The following LARP4B variants were observed in gnomAD, a reference collection of about 807,000 sequenced individuals.
LARP4B encodes the protein La ribonucleoprotein 4B, also known as la-related protein 4B.
In LARP4B, 12 loss-of-function variants were observed where a neutral mutation model predicts 89.8. The ratio of observed to expected loss-of-function variants is 0.13; its 90% confidence interval spans 0.09 to 0.22. The LOEUF is 0.22. Among genes scored for constraint, LARP4B ranks in the 10% least tolerant of loss-of-function variants. LARP4B has a pLI of 1.00. For missense variants in LARP4B, 757 were observed against 947.7 expected, an observed-to-expected ratio of 0.80 and a Z score of 2.64; for synonymous variants, 367 against 363.3, an observed-to-expected ratio of 1.01 and a Z score of -0.12.
At chr10:904,850 G>C (rs917450527) in intron 1 of LARP4B, among the ~76,000 whole-genome samples, 2 of 152,178 alleles carry the variant, frequency 1.3e-5, no homozygotes, top group African/African-American at 4.8e-5. Context: ...ACTGCCACTT[G>C]GTAGCATATA....
the LARP4B span, among the ~76,000 whole-genome samples, chr10:976,168 C>T: frequency 0.1 from 14,209 of 141,978 alleles, 1,301 homozygotes; most frequent in Non-Finnish European, 0.16. Context: ...AGGTGCGGCC[C>T]GCCCTAGTAG....
At chr10:956,885 G>A in the LARP4B span, among the ~76,000 whole-genome samples, 1 of 152,152 alleles carries the variant, frequency 6.6e-6, no homozygotes, top group African/African-American at 2.4e-5. The surrounding 1 kb of genome is among the most constrained non-coding windows in gnomAD (Gnocchi z 4.3). Flanking sequence ...TCTTAATTTG[G>A]GCCAGGAAGG....
chr10:951,642 C>T, the LARP4B span, among the ~76,000 whole-genome samples: 2 of 152,168 alleles, frequency 1.3e-5, no homozygotes, highest in African/African-American at 4.8e-5. Context: ...ACTTCAGGGA[C>T]ATCCAGGGTG....
At chr10:959,885 GTCAATCCACCTCCTCC>G in the LARP4B span, among the ~76,000 whole-genome samples, 1 of 88,742 alleles carries the variant, frequency 1.1e-5, no homozygotes, top group Non-Finnish European at 2.2e-5. Flanking sequence ...CCACCTCCTC[GTCAATCCACCTCCTCC>G]TCAATCCCAC....
chr10:922,990 G>A (rs1246715288), intron 1 of LARP4B, among the ~76,000 whole-genome samples: 2 of 152,060 alleles, frequency 1.3e-5, no homozygotes, highest in East Asian at 3.9e-4. Context: ...CAGGAGAATG[G>A]CGTGAACCTG....
intron 2 of LARP4B, 64 bp downstream of exon 2, chr10:885,577 C>T (rs1835830711): frequency 1.7e-6 from 2 of 1,207,462 alleles, no homozygotes; most frequent in Non-Finnish European, 1.2e-6. Flanking sequence ...TTACTAACTC[C>T]AATATAGAGT....
At chr10:894,843 T>C (rs1333477216) in intron 1 of LARP4B, among the ~76,000 whole-genome samples, 1 of 152,180 alleles carries the variant, frequency 6.6e-6, no homozygotes, top group Non-Finnish European at 1.5e-5. Flanking sequence ...AGATGACTGG[T>C]GAACTGAGGA....
At chr10:923,085 C>G (rs549089460) in intron 1 of LARP4B, among the ~76,000 whole-genome samples, 2 of 151,002 alleles carry the variant, frequency 1.3e-5, no homozygotes, top group African/African-American at 4.9e-5. Context: ...AAAAAAAAAA[C>G]AAATCATGCC....
rs759829060 is a variant in LARP4B at position 884,406 on chromosome 10, T to C, written c.141+41A>G. On this transcript the variant is annotated intron_variant, in intron 3 of 17. Coordinates refer to ENST00000316157, the MANE Select transcript of LARP4B (RefSeq NM_015155.3). ...TAAGGAAGTATCTCTGAGCCTTGAC[T>C]GTGATTAAAAAATCTGTGATTAATC... The C allele has an allele frequency of 1.6e-5, 21 of 1,304,040 alleles. No individual in the cohort carries two copies. In the East Asian group the frequency reaches 4.9e-4, roughly 30 times the overall value. 80.8% of individuals were successfully genotyped at this position (1,304,040 alleles called of 1,614,324 possible).
chr10:902,970 T>C (rs892561951), intron 1 of LARP4B, among the ~76,000 whole-genome samples: 8 of 152,218 alleles, frequency 5.3e-5, no homozygotes, highest in African/African-American at 1.9e-4. Flanking sequence ...AGATGTTAAA[T>C]TACCTGGTTG....
chr10:927,203 T>C (rs780178985), intron 1 of LARP4B, among the ~76,000 whole-genome samples: 2 of 152,042 alleles, frequency 1.3e-5, no homozygotes, highest in African/African-American at 2.4e-5. Context: ...ATAGGAGCCA[T>C]GACAGCTTCA....
intron 3 of LARP4B, among the ~76,000 whole-genome samples, chr10:868,787 G>T (rs1412393442): frequency 1.3e-5 from 2 of 152,158 alleles, no homozygotes; most frequent in Non-Finnish European, 2.9e-5. Context: ...CTACAGAAGG[G>T]GATTTCTACT....
At chr10:901,029 C>T (rs897191921) in intron 1 of LARP4B, among the ~76,000 whole-genome samples, 2 of 151,038 alleles carry the variant, frequency 1.3e-5, no homozygotes, top group Admixed American at 6.6e-5. Context: ...AAGCGATTCT[C>T]CTGCTTCAGC....
chr10:853,924 C>T (rs1397171090), intron 5 of LARP4B, among the ~76,000 whole-genome samples: 1 of 152,192 alleles, frequency 6.6e-6, no homozygotes, highest in East Asian at 1.9e-4. Context: ...TGTTTGATAT[C>T]ATTTTGTCAA....
chr10:953,782 T>C, the LARP4B span, among the ~76,000 whole-genome samples: 3 of 152,202 alleles, frequency 2.0e-5, no homozygotes, highest in Non-Finnish European at 2.9e-5. Context: ...GAGACGCCGG[T>C]TGTAAGGCTT....
At chr10:838,441 A>G (rs1833342289) in intron 7 of LARP4B, among the ~76,000 whole-genome samples, 1 of 152,232 alleles carries the variant, frequency 6.6e-6, no homozygotes, top group African/African-American at 2.4e-5. Context: ...GAACAAGATT[A>G]AAAAATGGGC....
the LARP4B span, chr10:986,976 C>T: frequency 2.0e-5 from 3 of 152,008 alleles, no homozygotes; most frequent in East Asian, 3.9e-4. Context: ...GATGTTTGCC[C>T]ATCTGAAGCA....
intron 5 of LARP4B, among the ~76,000 whole-genome samples, chr10:852,030 A>C (rs1834080639): frequency 6.6e-6 from 1 of 152,142 alleles, no homozygotes; most frequent in African/African-American, 2.4e-5. Context: ...ATGCTACTGC[A>C]CTCAAGCCTG....
At chr10:841,681 A>C (rs192135203) in intron 7 of LARP4B, among the ~76,000 whole-genome samples, 2 of 152,316 alleles carry the variant, frequency 1.3e-5, no homozygotes, top group Admixed American at 1.3e-4. Flanking sequence ...CTGGCCTTTC[A>C]AAGATGGGGC....
Sources: allele counts gnomAD v4.1 joint callset (sites outside exome capture counted in the v4.1 genomes callset), GRCh38; gene constraint gnomAD v4.1.1; non-coding constraint Gnocchi (gnomAD v3.1); transcripts MANE v1.5; gene names NCBI Gene and HGNC (gene_info 2026-07-23, HGNC 2026-07-21).